NAV2: variants seen among roughly 807,000 people sequenced by gnomAD.
NAV2 encodes helicase, APC down-regulated 1.
Under a neutral mutation model 223.2 loss-of-function variants are expected in NAV2, and 54 were observed. The ratio of observed to expected loss-of-function variants is 0.24; its 90% confidence interval spans 0.19 to 0.30. NAV2 has a LOEUF of 0.30. NAV2 is among the 10% of genes least tolerant of loss of function. The probability of loss-of-function intolerance (pLI) is 1.00; values close to 1 mark genes in which losing one functional copy is unlikely to be tolerated. For synonymous variants in NAV2, 1,279 were observed against 1,239.3 expected (o/e 1.03, Z -0.67); for missense variants, 2,806 against 3,147.5 (o/e 0.89, Z 2.60).
chr11:20,043,004 A>T (rs1004677294), intron 12 of NAV2, among the ~76,000 whole-genome samples: 4 of 152,184 alleles, frequency 2.6e-5, no homozygotes, highest in Non-Finnish European at 1.5e-5. Flanking sequence ...CTGGCTAATT[A>T]TATCCCTTGT....
rs150754997 is a variant in NAV2 at position 19,838,296 on chromosome 11, G to A, written c.386-4575G>A. ...CACTCCATCGTGGGTCAGGTGCTCA[G>A]ACCCGACCTATGATGGAGTGGGGAT... On this transcript the variant is annotated intron_variant, in intron 2 of 37. Transcript: ENST00000349880. Among the ~76,000 whole-genome samples, 503 of 152,286 alleles carry A rather than the reference G, an allele frequency of 3.3e-3. 6 individuals are homozygous for A. The highest frequency in any genetic ancestry group is 9.1e-3 in the East Asian group (47 of 5,176).
intron 5 of NAV2, among the ~76,000 whole-genome samples, chr11:19,891,933 G>C (rs1416804813): frequency 6.6e-6 from 1 of 151,262 alleles, no homozygotes; most frequent in Admixed American, 6.6e-5. Context: ...ACTTATCCCA[G>C]AGGGAAAAAA....
chr11:20,108,281 A>T (rs1293529107), intron 36 of NAV2, among the ~76,000 whole-genome samples: 2 of 152,150 alleles, frequency 1.3e-5, no homozygotes, highest in Non-Finnish European at 2.9e-5. Context: ...GAAGCTTGAA[A>T]GGTCTGGGAT....
intron 3 of NAV2, 139 bp downstream of exon 3, chr11:19,843,062 G>A: frequency 1.4e-6 from 1 of 690,428 alleles, no homozygotes; most frequent in East Asian, 2.8e-5. Flanking sequence ...CTATTTCCAA[G>A]TAGCTGTGTT....
intron 36 of NAV2, chr11:20,114,325 T>C (rs1410402719): frequency 4.3e-5 from 23 of 533,212 alleles, no homozygotes; most frequent in Non-Finnish European, 6.7e-5. Context: ...GGTCACACGG[T>C]GAGTCAGTGG....
chr11:19,660,755 G>C (rs1373004753), intron 1 of NAV2, among the ~76,000 whole-genome samples: 1 of 152,128 alleles, frequency 6.6e-6, no homozygotes, highest in Non-Finnish European at 1.5e-5. Context: ...ACATTTGTCT[G>C]CTGCTCCAAG....
chr11:19,943,963 C>T (rs1164688299), intron 8 of NAV2, among the ~76,000 whole-genome samples: 3 of 151,868 alleles, frequency 2.0e-5, no homozygotes, highest in Admixed American at 6.6e-5. Context: ...TTTGGGAAGC[C>T]GAGGTGGGTG....
intron 1 of NAV2, among the ~76,000 whole-genome samples, chr11:19,494,921 C>T (rs2042746430): frequency 6.6e-6 from 1 of 152,232 alleles, no homozygotes; most frequent in Non-Finnish European, 1.5e-5. Flanking sequence ...CTGATTAGGA[C>T]TAGGGCAACT....
intron 1 of NAV2, among the ~76,000 whole-genome samples, chr11:19,666,679 C>T (rs2048419353): frequency 6.6e-6 from 1 of 152,140 alleles, no homozygotes; most frequent in South Asian, 2.1e-4. Flanking sequence ...CTTTCAGTTT[C>T]TAGACTATGC....
intron 5 of NAV2, among the ~76,000 whole-genome samples, chr11:19,885,580 T>C (rs1475882686): frequency 1.3e-5 from 2 of 152,258 alleles, no homozygotes; most frequent in Non-Finnish European, 2.9e-5. Context: ...TGAGTCACCC[T>C]ATTCTTGGTT....
chr11:19,553,035 C>T (rs1386245051), intron 1 of NAV2, among the ~76,000 whole-genome samples: 1 of 152,218 alleles, frequency 6.6e-6, no homozygotes, highest in African/African-American at 2.4e-5. Flanking sequence ...AGCCTTGCCT[C>T]CAGTCTCAGC....
Position 20,080,089 on chromosome 11 carries a change from C to T in NAV2, c.5205C>T (p.Asp1735=), listed in dbSNP as rs763912610. 2 of 1,614,040 alleles carry T rather than the reference C, an allele frequency of 1.2e-6. No homozygotes were observed. Among genetic ancestry groups the T allele is most frequent in the Admixed American group, 3.3e-5 (2 of 60,030 alleles). ...CKGNGTAQSA[D]LRIRRQHSSD... The stretch of plus-strand genomic sequence containing the variant: ...GAAACGGCACTGCCCAGTCTGCAGA[C>T]CTCCGCATCCGCAGGCAGCACTCCT... Residue 1735 remains aspartate, a synonymous_variant, in exon 25 of 38, where the codon GAC becomes GAT. Transcript: ENST00000349880.
intron 1 of NAV2, among the ~76,000 whole-genome samples, chr11:19,572,891 T>C (rs1462755877): frequency 6.6e-6 from 1 of 152,226 alleles, no homozygotes; most frequent in Non-Finnish European, 1.5e-5. Flanking sequence ...GGGAAACCTA[T>C]ATGAATATGC....
chr11:19,947,731 A>C (rs1204264488), intron 9 of NAV2, among the ~76,000 whole-genome samples: 1 of 152,238 alleles, frequency 6.6e-6, no homozygotes, highest in Non-Finnish European at 1.5e-5. Context: ...GATTGAGCTC[A>C]TCCTTGGGCA....
chr11:19,940,529 A>G (rs1329256342), intron 8 of NAV2, among the ~76,000 whole-genome samples: 1 of 152,194 alleles, frequency 6.6e-6, no homozygotes, highest in African/African-American at 2.4e-5. Flanking sequence ...TAGTCAGGGA[A>G]ATGAGTGGTA....
intron 17 of NAV2, among the ~76,000 whole-genome samples, chr11:20,053,152 T>G (rs987115777): frequency 7.8e-6 from 1 of 128,250 alleles, no homozygotes; most frequent in African/African-American, 3.0e-5. Flanking sequence ...CAAGAGACAG[T>G]GGTTGCAGTG....
intron 8 of NAV2, among the ~76,000 whole-genome samples, chr11:19,941,736 C>T (rs929122412): frequency 6.6e-6 from 1 of 152,074 alleles, no homozygotes; most frequent in Non-Finnish European, 1.5e-5. Context: ...ATCTTTCAGC[C>T]TCTGCTTGAA....
chr11:19,366,456 AG>A (rs111443330), intron 1 of NAV2, among the ~76,000 whole-genome samples: 2,453 of 152,218 alleles, frequency 0.016, 67 homozygotes, highest in African/African-American at 0.055. Context: ...TTGGGATGCT[AG>A]TTTGCAGATG....
In NAV2 at chr11:19,880,075, C is replaced by T. The variant is rs2063105463; in HGVS notation, c.718C>T (p.His240Tyr). Residue 240 changes from histidine (H) to tyrosine (Y), a missense_variant, in exon 5 of 38, where the codon CAC becomes TAC. Transcript: ENST00000349880. The stretch of plus-strand genomic sequence containing the variant: ...CACTCCCCAAGCCCCGTGCCAGCCT[C>T]ACCAGCCAGCGCCACATCAGCAGTC... The part of the protein sequence containing the change: ...PVTPQAPCQP[H>Y]QPAPHQQSKA... The T allele has an allele frequency of 6.2e-7, 1 of 1,611,610 alleles. No individual in the cohort carries two copies. Among genetic ancestry groups the T allele is most frequent in the Non-Finnish European group, 8.5e-7 (1 of 1,178,254 alleles).
Sources: allele counts gnomAD v4.1 joint callset (sites outside exome capture counted in the v4.1 genomes callset), GRCh38; gene constraint gnomAD v4.1.1; transcripts MANE v1.5; gene names NCBI Gene and HGNC (gene_info 2026-07-23, HGNC 2026-07-21).